CATSPERE: variants seen among roughly 807,000 people sequenced by gnomAD.
CATSPERE encodes the protein catsper channel auxiliary subunit epsilon, also known as cation channel sperm-associated auxiliary subunit epsilon.
CATSPERE carries 93 observed loss-of-function variants against 114.1 expected under a neutral mutation model. The observed-to-expected ratio is 0.81, with a 90% CI of 0.69 to 0.97. The LOEUF (loss-of-function observed/expected upper bound fraction) is 0.97, where lower values mean the gene tolerates loss of function less well. CATSPERE is among the 50% of genes least tolerant of loss of function. The pLI is 0.00. For synonymous variants in CATSPERE, 341 were observed against 384.1 expected (o/e 0.89, Z 1.31); for missense variants, 1,058 against 1,131.6 (o/e 0.93, Z 0.93).
chr1:244,585,188 C>G lies in CATSPERE; in HGVS notation c.2085+1249C>G, dbSNP rs115554023. On this transcript the variant is annotated intron_variant, in intron 13 of 21. Transcript: ENST00000366534. ...TCCACTGGCTTGGGTAGGCTACTTA[C>G]TCTGAGCCTCAGCTGCCTCATTTGT... 9.6e-3 allele frequency among the ~76,000 whole-genome samples: 1,469 copies of G among 152,320 alleles called. 26 individuals carry two copies. The highest frequency in any genetic ancestry group is 0.034 in the African/African-American group (1,413 of 41,560).
In CATSPERE at chr1:244,640,217, G is replaced by T; in HGVS notation, c.*136G>T. On this transcript the variant is annotated 3_prime_UTR_variant, in exon 22 of 22. Transcript: ENST00000366534. The stretch of plus-strand genomic sequence containing the variant: ...GTAGGCATCACCAAATTCAAGATCT[G>T]AAAAATATTCTTGAACTATCTCCAA... The T allele has an allele frequency of 3.3e-6, 2 of 606,764 alleles. No individual in the cohort carries two copies. The highest frequency in any genetic ancestry group is 5.0e-5 in the South Asian group (2 of 39,702). 37.6% of individuals were successfully genotyped at this position (606,764 alleles called of 1,614,324 possible). A position where few individuals can be genotyped will look rare whatever the true frequency, so the allele number is the denominator to read the frequency against.
At chr1:244,452,006 G>C, upstream of CATSPERE, 1 of 555,050 alleles carries the variant, frequency 1.8e-6, no homozygotes, top group Non-Finnish European at 3.0e-6. Context: ...CGCTCAAGGG[G>C]GTACCATGAC....
intron 18 of CATSPERE, 144 bp downstream of exon 18, chr1:244,605,938 G>T: frequency 2.0e-6 from 1 of 500,646 alleles, no homozygotes; most frequent in South Asian, 3.5e-5. Flanking sequence ...TAAATTATAT[G>T]GCTACTAAAA....
At chr1:244,495,626 C>T (rs1296725355) in intron 6 of CATSPERE, among the ~76,000 whole-genome samples, 1 of 152,092 alleles carries the variant, frequency 6.6e-6, no homozygotes, top group Non-Finnish European at 1.5e-5. Context: ...GAGGCTGAGG[C>T]TGGAGAATCA....
chr1:244,572,710 A>G lies in CATSPERE; in HGVS notation c.1888A>G (p.Ile630Val), dbSNP rs2148578087. Residue 630 changes from isoleucine to valine, a missense_variant, in exon 11 of 22, where the codon ATA (isoleucine) becomes GTA (valine). This residue lies in a region of CATSPERE where 787 missense variants were observed against 905.6 expected (regional missense o/e 0.87). Transcript: ENST00000366534. ...YVIVESYGPK[I>V]LQESHEISFE... ...TATTGTGGAATCTTATGGCCCAAAA[A>G]TATTACAAGAGAGTCATGAGATTTC... 1.9e-6 allele frequency: 3 copies of G among 1,613,520 alleles called. No homozygotes were observed. Among genetic ancestry groups the G allele is most frequent in the East Asian group, 4.5e-5 (2 of 44,864 alleles).
chr1:244,494,340 A>G (rs1447985991), intron 6 of CATSPERE, among the ~76,000 whole-genome samples: 6 of 151,466 alleles, frequency 4.0e-5, no homozygotes, highest in African/African-American at 1.2e-4. Context: ...TTCTCAGCAA[A>G]CTATCACAAG....
At chr1:244,578,762 TG>T (rs1053872428) in intron 11 of CATSPERE, among the ~76,000 whole-genome samples, 11 of 148,614 alleles carry the variant, frequency 7.4e-5, no homozygotes, top group African/African-American at 2.7e-4. Context: ...GGCATATATA[TG>T]GGTACATATC....
intron 2 of CATSPERE, among the ~76,000 whole-genome samples, chr1:244,468,414 T>A (rs767773558): frequency 6.6e-6 from 1 of 152,110 alleles, no homozygotes; most frequent in Non-Finnish European, 1.5e-5. Flanking sequence ...TTAAGAATCA[T>A]CTTTTTTATC....
At chr1:244,632,911 T>C (rs1674151049) in intron 20 of CATSPERE, among the ~76,000 whole-genome samples, 1 of 152,084 alleles carries the variant, frequency 6.6e-6, no homozygotes, top group South Asian at 2.1e-4. Context: ...ATATTAAATA[T>C]GAAGACATAG....
At chr1:244,493,176 T>C (rs574895325) in intron 6 of CATSPERE, among the ~76,000 whole-genome samples, 246 of 152,256 alleles carry the variant, frequency 1.6e-3, no homozygotes, top group African/African-American at 5.1e-3. Flanking sequence ...GGAGGCATCA[T>C]GCTACCTGAC....
Position 244,581,924 on chromosome 1 carries a change from T to C in CATSPERE, c.2009+70T>C, listed in dbSNP as rs1666252783. The C allele has an allele frequency of 7.5e-6, 5 of 664,092 alleles. No individual in the cohort carries two copies. The South Asian group carries it at 9.6e-5, about 13-fold the overall frequency. The allele number at this position is 664,092 out of a possible 1,614,324, so 41.1% of individuals were successfully genotyped here. ...ACTCAGGTTATTGATTTGTGGGTGT[T>C]CTTTTATTTAAATGGCCTCATATTC... On this transcript the variant is annotated intron_variant, in intron 12 of 21. Transcript: ENST00000366534.
Position 244,461,323 on chromosome 1 carries a change from C to T in CATSPERE, c.-107C>T, listed in dbSNP as rs1337031759. 1.0e-6 allele frequency: 1 copy of T among 998,770 alleles called. No homozygotes were observed. Among genetic ancestry groups the T allele is most frequent in the South Asian group, 3.6e-5 (1 of 27,646 alleles). The allele number at this position is 998,770 out of a possible 1,614,324, so 61.9% of individuals were successfully genotyped here. A position where few individuals can be genotyped will look rare whatever the true frequency, so the allele number is the denominator to read the frequency against. ...GCCCGGCCCGCCCTGTCCAGAGGCGCCGGGACCCAGGCGCCTGCAGCCGCC... is the reference window on the plus strand; with the variant it reads ...GCCCGGCCCGCCCTGTCCAGAGGCGTCGGGACCCAGGCGCCTGCAGCCGCC... On this transcript the variant is annotated 5_prime_UTR_variant, in exon 1 of 22. Coordinates refer to ENST00000366534, the MANE Select transcript of CATSPERE (RefSeq NM_001130957.2).
chr1:244,621,095 AATATATATAAATATATATATAAT>A (rs1558609251), intron 20 of CATSPERE, among the ~76,000 whole-genome samples: 15 of 69,468 alleles, frequency 2.2e-4, no homozygotes, highest in African/African-American at 7.4e-4. Context: ...ATATATATAA[AATATATATAAATATATATATAAT>A]ATATATATAA....
chr1:244,484,244 T>TC (rs1041373713), intron 5 of CATSPERE, among the ~76,000 whole-genome samples: 13 of 152,244 alleles, frequency 8.5e-5, no homozygotes, highest in Admixed American at 5.9e-4. Flanking sequence ...CCCACCCCAC[T>TC]CCAACTCTTC....
chr1:244,555,710 G>A (rs1661471199), intron 9 of CATSPERE, among the ~76,000 whole-genome samples: 1 of 151,972 alleles, frequency 6.6e-6, no homozygotes, highest in East Asian at 1.9e-4. Flanking sequence ...AAAATTTCTT[G>A]GAAATGATAA....
chr1:244,490,929 T>G (rs960531103), intron 6 of CATSPERE, among the ~76,000 whole-genome samples: 1 of 152,148 alleles, frequency 6.6e-6, no homozygotes, highest in Non-Finnish European at 1.5e-5. Context: ...ATTTGTTATA[T>G]AGTAAATACA....
rs187382630 is a variant in CATSPERE at position 244,512,663 on chromosome 1, A to G, written c.430-5929A>G. Reference sequence around the variant, plus strand: ...TTTTCATGTTTCTTGTGTCTTGCACAGATACATTGGTATCTGTGCATCTGG... The same window carrying G: ...TTTTCATGTTTCTTGTGTCTTGCACGGATACATTGGTATCTGTGCATCTGG... On this transcript the variant is annotated intron_variant, in intron 7 of 21. Coordinates refer to ENST00000366534, the MANE Select transcript of CATSPERE (RefSeq NM_001130957.2). Among the ~76,000 whole-genome samples the G allele has an allele frequency of 2.5e-4, 38 of 152,278 alleles. 1 individual carries two copies. Among genetic ancestry groups the G allele is most frequent in the Admixed American group, 3.9e-4 (6 of 15,296 alleles).
intron 20 of CATSPERE, among the ~76,000 whole-genome samples, chr1:244,622,548 C>A (rs1367742979): frequency 6.6e-6 from 1 of 152,056 alleles, no homozygotes; most frequent in Admixed American, 6.6e-5. Flanking sequence ...GGATTACAGA[C>A]ATGTGCCACC....
chr1:244,540,549 G>A (rs1367606941), intron 8 of CATSPERE, among the ~76,000 whole-genome samples: 2 of 142,522 alleles, frequency 1.4e-5, no homozygotes, highest in Non-Finnish European at 3.1e-5. Context: ...TGGGTAGGAA[G>A]AATCAATATC....
Sources: gnomAD v4.1 joint callset for allele counts (sites outside exome capture counted in the v4.1 genomes callset) on GRCh38, gnomAD v4.1.1 for gene constraint, gnomAD v4.1.1 regional missense constraint, MANE v1.5 for transcripts, NCBI Gene and HGNC (gene_info 2026-07-23, HGNC 2026-07-21) for gene names.